Variants in WDR44 observed in about 807,000 individuals in gnomAD.
The protein encoded by WDR44 is WD repeat-containing protein 44.
WDR44 carries 9 observed loss-of-function variants against 65.7 expected under a neutral mutation model. That is an observed-to-expected ratio of 0.14 (90% CI 0.08 to 0.24). The LOEUF (loss-of-function observed/expected upper bound fraction) is 0.24, where lower values mean the gene tolerates loss of function less well. Among genes scored for constraint, WDR44 ranks in the 10% least tolerant of loss-of-function variants. WDR44 has a pLI of 1.00. For missense variants in WDR44, 425 were observed against 670.9 expected, an observed-to-expected ratio of 0.63 and a Z score of 4.05; for synonymous variants, 220 against 235.2, an observed-to-expected ratio of 0.94 and a Z score of 0.59.
intron 12 of WDR44, 39 bp downstream of exon 12, chrX:118,410,998 T>C (rs2057008602): frequency 2.9e-6 from 3 of 1,035,664 alleles, no homozygotes; most frequent in Admixed American, 3.4e-5. Flanking sequence ...TTTTCAGGTA[T>C]GATTTAATTT....
chrX:118,448,875 A>T lies in WDR44; in HGVS notation c.2648-18A>T, dbSNP rs745443373. ...TTCCTTTAAAAATCAACTTAAAACTATTTTTTATACTTTTAAGGTATTATG... is the reference window on the plus strand; with the variant it reads ...TTCCTTTAAAAATCAACTTAAAACTTTTTTTTATACTTTTAAGGTATTATG... On this transcript the variant is annotated intron_variant, in intron 19 of 19. Coordinates refer to ENST00000254029, the MANE Select transcript of WDR44 (RefSeq NM_019045.5). 9.0e-7 allele frequency: 1 copy of T among 1,105,241 alleles called. No individual in the cohort carries two copies. The highest frequency in any genetic ancestry group is 2.6e-5 in the Admixed American group (1 of 38,640). 91.1% of individuals were successfully genotyped at this position (1,105,241 alleles called of 1,213,427 possible).
At chrX:118,416,877 G>A (rs2057061823) in intron 12 of WDR44, among the ~76,000 whole-genome samples, 1 of 111,325 alleles carries the variant, frequency 9.0e-6, no homozygotes, top group South Asian at 3.8e-4. Flanking sequence ...TCCAGTCTTA[G>A]GTGCATAAAT....
At chrX:118,371,521 A>G (rs1246996291) in intron 1 of WDR44, among the ~76,000 whole-genome samples, 1 of 111,800 alleles carries the variant, frequency 8.9e-6, no homozygotes, top group African/African-American at 3.2e-5. Flanking sequence ...GATTTACCAT[A>G]TTTGTAATTA....
intron 1 of WDR44, among the ~76,000 whole-genome samples, chrX:118,348,089 G>A (rs2056369473): frequency 9.0e-6 from 1 of 111,592 alleles, no homozygotes; most frequent in African/African-American, 3.3e-5. Context: ...CAGTTTATGA[G>A]CTGATCAGTT....
chrX:118,428,248 A>G (rs1332277636), intron 12 of WDR44, among the ~76,000 whole-genome samples: 1 of 109,635 alleles, frequency 9.1e-6, no homozygotes, highest in Non-Finnish European at 1.9e-5. Flanking sequence ...AGATTTCACC[A>G]CTGCACTCCA....
At chrX:118,433,892 G>A (rs60326307) in intron 13 of WDR44, among the ~76,000 whole-genome samples, 8,180 of 111,316 alleles carry the variant, frequency 0.073, 715 homozygotes, top group African/African-American at 0.25. Context: ...TGCTCTGTTC[G>A]TACCCTCAAA....
chrX:118,446,642 A>G (rs1455418500), intron 19 of WDR44, among the ~76,000 whole-genome samples: 1 of 111,526 alleles, frequency 9.0e-6, no homozygotes, highest in African/African-American at 3.3e-5. Flanking sequence ...CACTCATGAC[A>G]CTTTTCCTTC....
intron 1 of WDR44, among the ~76,000 whole-genome samples, chrX:118,374,944 T>G (rs2056644368): frequency 8.9e-6 from 1 of 112,031 alleles, no homozygotes; most frequent in African/African-American, 3.2e-5. Context: ...AAGGTTCATC[T>G]GCTCAAAAGC....
chrX:118,434,664 A>G (rs903517548), intron 13 of WDR44, among the ~76,000 whole-genome samples: 6 of 111,425 alleles, frequency 5.4e-5, no homozygotes, highest in African/African-American at 2.0e-4. Flanking sequence ...CTAAAGGTCT[A>G]TCCTCATATC....
chrX:118,389,032 A>G (rs754163025), intron 3 of WDR44, among the ~76,000 whole-genome samples: 1 of 112,274 alleles, frequency 8.9e-6, no homozygotes, highest in Admixed American at 9.5e-5. Flanking sequence ...TAACAAATGT[A>G]TAACTATCTA....
chrX:118,380,820 C>T (rs2056708179), intron 2 of WDR44, among the ~76,000 whole-genome samples: 1 of 111,932 alleles, frequency 8.9e-6, no homozygotes, highest in Admixed American at 9.6e-5. Context: ...GCACTGTTAC[C>T]TGAAATAGCA....
chrX:118,388,812 A>G (rs1443779461), intron 3 of WDR44, among the ~76,000 whole-genome samples: 1 of 111,770 alleles, frequency 8.9e-6, no homozygotes, highest in African/African-American at 3.3e-5. Flanking sequence ...ATTGTAGTGT[A>G]GGTAGAATTT....
At chrX:118,405,168 TG>T (rs2056953459) in intron 9 of WDR44, among the ~76,000 whole-genome samples, 1 of 110,268 alleles carries the variant, frequency 9.1e-6, no homozygotes, top group Admixed American at 9.7e-5. Context: ...ACCAAGTAGC[TG>T]GGATTATAGG....
intron 9 of WDR44, among the ~76,000 whole-genome samples, chrX:118,405,766 AC>A (rs1003881046): frequency 4.5e-5 from 5 of 112,096 alleles, no homozygotes; most frequent in Non-Finnish European, 9.4e-5. Context: ...CAACAATAAA[AC>A]ATAATAGAAA....
At chrX:118,406,393 C>T (rs1249596798) in intron 9 of WDR44, among the ~76,000 whole-genome samples, 1 of 110,331 alleles carries the variant, frequency 9.1e-6, no homozygotes, top group Non-Finnish European at 1.9e-5. Context: ...TAGTGAGACC[C>T]CTGTTTGTAT....
chrX:118,441,147 A>G, intron 14 of WDR44, among the ~76,000 whole-genome samples: 1 of 109,078 alleles, frequency 9.2e-6, no homozygotes. Context: ...TTTACTAGAG[A>G]CGAGGTTTCA....
intron 13 of WDR44, among the ~76,000 whole-genome samples, chrX:118,436,311 G>A (rs987387460): frequency 8.9e-6 from 1 of 112,101 alleles, no homozygotes; most frequent in African/African-American, 3.2e-5. Context: ...AAATTCACCA[G>A]TGTTATCAAT....
intron 3 of WDR44, among the ~76,000 whole-genome samples, chrX:118,392,229 A>T (rs920687677): frequency 8.9e-6 from 1 of 112,165 alleles, no homozygotes; most frequent in Non-Finnish European, 1.9e-5. Flanking sequence ...TATTACAACA[A>T]GTTTGGCATA....
At chrX:118,442,732 G>C (rs1473115168) in intron 17 of WDR44, 52 bp downstream of exon 17, 2 of 1,027,682 alleles carry the variant, frequency 1.9e-6, no homozygotes, top group Non-Finnish European at 2.7e-6. Flanking sequence ...TTCTCCCCTA[G>C]TTCCATTTTT....
Sources: allele counts gnomAD v4.1 joint callset (sites outside exome capture counted in the v4.1 genomes callset), GRCh38; gene constraint gnomAD v4.1.1; transcripts MANE v1.5; gene names NCBI Gene and HGNC (gene_info 2026-07-23, HGNC 2026-07-21).